The following GC variants were observed in gnomAD, a reference collection of about 807,000 sequenced individuals.
GC encodes vitamin D-binding protein.
A neutral mutation model predicts 56.7 loss-of-function variants in GC; 43 were observed. That is an observed-to-expected ratio of 0.76 (90% CI 0.59 to 0.98). The LOEUF (loss-of-function observed/expected upper bound fraction) is 0.98. Among genes scored for constraint, GC ranks in the 50% least tolerant of loss-of-function variants. The pLI is 0.00. For missense variants in GC, 529 were observed against 545.9 expected, an observed-to-expected ratio of 0.97 and a Z score of 0.31; for synonymous variants, 216 against 202.7, an observed-to-expected ratio of 1.07 and a Z score of -0.56.
intron 1 of GC, among the ~76,000 whole-genome samples, chr4:71,802,951 C>T (rs548098939): frequency 4.7e-5 from 7 of 150,284 alleles, no homozygotes; most frequent in East Asian, 4.0e-4. Flanking sequence ...GTATAGCTTT[C>T]ACACCATCAC....
intron 6 of GC, among the ~76,000 whole-genome samples, chr4:71,760,777 T>C (rs1741943369): frequency 6.6e-6 from 1 of 152,152 alleles, no homozygotes; most frequent in Non-Finnish European, 1.5e-5. Flanking sequence ...CTGATAGTTT[T>C]GAAAACAGGA....
upstream of GC, among the ~76,000 whole-genome samples, chr4:71,804,751 A>G (rs1184094176): frequency 6.6e-6 from 1 of 152,094 alleles, no homozygotes; most frequent in Non-Finnish European, 1.5e-5. Context: ...TTCGTCTTGC[A>G]TCACTGGGCA....
At chr4:71,769,075 G>A (rs745870265) in intron 2 of GC, among the ~76,000 whole-genome samples, 6 of 152,126 alleles carry the variant, frequency 3.9e-5, no homozygotes, top group Non-Finnish European at 5.9e-5. Context: ...AGAAAGCTAT[G>A]CTTTACGTAT....
intron 12 of GC, among the ~76,000 whole-genome samples, chr4:71,745,764 T>C (rs1217767826): frequency 6.6e-6 from 1 of 152,212 alleles, no homozygotes; most frequent in Non-Finnish European, 1.5e-5. Context: ...TGAATAAGAA[T>C]GTCCCTTTCC....
At chr4:71,757,598 A>G (rs1452674306) in intron 7 of GC, among the ~76,000 whole-genome samples, 1 of 46,234 alleles carries the variant, frequency 2.2e-5, no homozygotes, top group African/African-American at 3.4e-5. Flanking sequence ...AACTTTACGC[A>G]ATAATGAAAA....
chr4:71,804,200 G>C (rs1324498753), upstream of GC, among the ~76,000 whole-genome samples: 1 of 152,174 alleles, frequency 6.6e-6, no homozygotes, highest in Non-Finnish European at 1.5e-5. Flanking sequence ...TAGGAGATTG[G>C]CTGGCATTAG....
At chr4:71,777,951 G>A (rs1026465373) in intron 1 of GC, among the ~76,000 whole-genome samples, 1 of 151,530 alleles carries the variant, frequency 6.6e-6, no homozygotes, top group Non-Finnish European at 1.5e-5. Context: ...GGGTTGATGG[G>A]TGCAGCAAAC....
intron 1 of GC, among the ~76,000 whole-genome samples, chr4:71,775,454 C>T (rs1330391854): frequency 6.6e-6 from 1 of 151,914 alleles, no homozygotes; most frequent in Non-Finnish European, 1.5e-5. Flanking sequence ...GCCTCCCTGG[C>T]TAGCCATGTA....
At chr4:71,745,490 C>A (rs972264293) in intron 12 of GC, among the ~76,000 whole-genome samples, 1 of 152,138 alleles carries the variant, frequency 6.6e-6, no homozygotes, top group Admixed American at 6.5e-5. Flanking sequence ...AGCCTCAGTT[C>A]AGCTAAGAAC....
At chr4:71,797,405 C>T (rs1743132260) in intron 1 of GC, among the ~76,000 whole-genome samples, 1 of 152,242 alleles carries the variant, frequency 6.6e-6, no homozygotes, top group East Asian at 1.9e-4. Flanking sequence ...GGGGGACACC[C>T]CTCCTCCCGC....
Position 71,755,010 on chromosome 4 carries a change from C to T in GC, c.1132G>A (p.Val378Ile). ...TTAAAACAGGTAGTTGAGTCTTCAA[C>T]ATCACAGCATTCACCAAGGCTTTTT... is the stretch of plus-strand genomic sequence containing the variant. The part of the protein sequence containing the change: ...TLKSLGECCD[V>I]EDSTTCFNAK... The change falls in exon 9 of 13, where the codon GTT becomes ATT. Residue 378 changes from valine (V) to isoleucine (I), a missense_variant. Physicochemically the swap from Val to Ile is conservative, Grantham distance 29. Transcript: ENST00000273951. 1 of 1,594,946 alleles carries T rather than the reference C, an allele frequency of 6.3e-7. No individual in the cohort carries two copies. The highest frequency in any genetic ancestry group is 2.2e-5 in the East Asian group (1 of 44,562).
At chr4:71,783,301 T>A (rs1402949918) in intron 1 of GC, among the ~76,000 whole-genome samples, 3 of 151,740 alleles carry the variant, frequency 2.0e-5, no homozygotes, top group Non-Finnish European at 4.4e-5. Context: ...TAAAGTTGTA[T>A]ACTTCCCATA....
At chr4:71,772,282 C>A (rs1007480736) in intron 1 of GC, among the ~76,000 whole-genome samples, 6 of 152,016 alleles carry the variant, frequency 3.9e-5, no homozygotes, top group Non-Finnish European at 5.9e-5. Context: ...TAAATAGGAG[C>A]TAAGTTTGTT....
chr4:71,765,419 T>C lies in GC; in HGVS notation c.473+13A>G, dbSNP rs775825544. ...TTAGGTCCTAAAGTTCTATTTATGA[T>C]GAAGGCACTCACTGATTAGCATATT... is the stretch of plus-strand genomic sequence containing the variant. On this transcript the variant is annotated intron_variant, in intron 4 of 12. Transcript: ENST00000273951. 5 of 1,599,250 alleles carry C rather than the reference T, an allele frequency of 3.1e-6. No individual in the cohort carries two copies. Among genetic ancestry groups the C allele is most frequent in the Non-Finnish European group, 4.3e-6 (5 of 1,167,040 alleles).
chr4:71,778,004 T>C (rs1461253032), intron 1 of GC, among the ~76,000 whole-genome samples: 1 of 151,504 alleles, frequency 6.6e-6, no homozygotes, highest in African/African-American at 2.4e-5. Flanking sequence ...CTGCAGGTTC[T>C]GCACATGTAT....
At chr4:71,760,784 A>G (rs1741943472) in intron 6 of GC, among the ~76,000 whole-genome samples, 1 of 152,160 alleles carries the variant, frequency 6.6e-6, no homozygotes, top group Non-Finnish European at 1.5e-5. Flanking sequence ...TTTTGAAAAC[A>G]GGAGTTTCTC....
chr4:71,792,926 C>G (rs1222374978), intron 1 of GC, among the ~76,000 whole-genome samples: 1 of 152,062 alleles, frequency 6.6e-6, no homozygotes, highest in Non-Finnish European at 1.5e-5. Flanking sequence ...GAATCCTTTC[C>G]CCATTGCTTG....
At chr4:71,773,734 A>T (rs1376321275) in intron 1 of GC, among the ~76,000 whole-genome samples, 1 of 152,046 alleles carries the variant, frequency 6.6e-6, no homozygotes, top group Non-Finnish European at 1.5e-5. Context: ...CTCGTACAGG[A>T]TGCTAGGAAC....
intron 6 of GC, among the ~76,000 whole-genome samples, chr4:71,760,522 G>A (rs368785706): frequency 1.8e-4 from 28 of 152,292 alleles, no homozygotes; most frequent in South Asian, 1.2e-3. Context: ...GAAAGTATGA[G>A]AGAAGTGCAG....
Sources: allele counts gnomAD v4.1 joint callset (sites outside exome capture counted in the v4.1 genomes callset), GRCh38; gene constraint gnomAD v4.1.1; transcripts MANE v1.5; gene names NCBI Gene and HGNC (gene_info 2026-07-23, HGNC 2026-07-21).